RBFOX1: variants seen among roughly 807,000 people sequenced by gnomAD.
RBFOX1 encodes the protein RNA binding fox-1 homolog 1, also known as RNA binding protein fox-1 homolog 1.
RBFOX1 carries 8 observed loss-of-function variants against 57.7 expected under a neutral mutation model. That is an observed-to-expected ratio of 0.14 (90% CI 0.08 to 0.25). RBFOX1 has a LOEUF of 0.25. RBFOX1 is among the 10% of genes least tolerant of loss of function. The probability of loss-of-function intolerance (pLI) is 1.00; values close to 1 mark genes in which losing one functional copy is unlikely to be tolerated. For missense variants in RBFOX1, 611 were observed against 548.5 expected (o/e 1.11, Z -1.14); for synonymous variants, 326 against 222.4 (o/e 1.47, Z -4.15).
At chr16:7,425,423 C>CA (rs1388274271) in intron 4 of RBFOX1, among the ~76,000 whole-genome samples, 2 of 152,202 alleles carry the variant, frequency 1.3e-5, no homozygotes, top group African/African-American at 4.8e-5. Flanking sequence ...AAAACTTCCT[C>CA]AAAACCTGTT....
chr16:7,180,564 C>A (rs1416314904), intron 4 of RBFOX1, among the ~76,000 whole-genome samples: 1 of 152,042 alleles, frequency 6.6e-6, no homozygotes, highest in African/African-American at 2.4e-5. Context: ...AATGAGGTGA[C>A]ATTAAGGATA....
intron 3 of RBFOX1, among the ~76,000 whole-genome samples, chr16:6,805,894 C>G (rs568235154): frequency 1.3e-5 from 2 of 152,340 alleles, no homozygotes; most frequent in South Asian, 2.1e-4. Flanking sequence ...CTAGCCTTTA[C>G]TTTCCCTGTT....
At position 7,468,238 on chromosome 16, in the gene RBFOX1, C is replaced by T. The variant is rs76196976; in HGVS notation, c.28-49909C>T. 9.9e-3 allele frequency among the ~76,000 whole-genome samples: 1,504 copies of T among 152,212 alleles called. 33 individuals are homozygous for T. The highest frequency in any genetic ancestry group is 0.035 in the African/African-American group (1,445 of 41,528). On this transcript the variant is annotated intron_variant, in intron 4 of 15. Transcript: ENST00000550418. The stretch of plus-strand genomic sequence containing the variant: ...AATGAGCAAGCTCCTTTCTGCATAC[C>T]CGCCCGACCTTTACCATTGGGAACA...
At chr16:7,701,082 G>C (rs371335335) in intron 14 of RBFOX1, among the ~76,000 whole-genome samples, 2 of 152,118 alleles carry the variant, frequency 1.3e-5, no homozygotes, top group African/African-American at 4.8e-5. Flanking sequence ...GGGAAATCAC[G>C]AGGTTGAAAA....
chr16:6,287,329 C>T (rs1260671213), intron 1 of RBFOX1, among the ~76,000 whole-genome samples: 4 of 152,100 alleles, frequency 2.6e-5, no homozygotes, highest in Admixed American at 2.6e-4. Flanking sequence ...TCTATTTGTT[C>T]GGACTTGAAG....
intron 4 of RBFOX1, among the ~76,000 whole-genome samples, chr16:7,201,748 C>A (rs2088559514): frequency 6.6e-6 from 1 of 152,160 alleles, no homozygotes; most frequent in Non-Finnish European, 1.5e-5. Context: ...CAGGCAAGAG[C>A]CACCATGCCC....
At chr16:7,137,499 G>C (rs888735168) in intron 4 of RBFOX1, among the ~76,000 whole-genome samples, 4 of 152,184 alleles carry the variant, frequency 2.6e-5, no homozygotes, top group Non-Finnish European at 5.9e-5. Context: ...CCAATGTAAG[G>C]AGTACCTTTC....
At chr16:6,373,889 T>C (rs9935019) in intron 2 of RBFOX1, among the ~76,000 whole-genome samples, 2,316 of 152,320 alleles carry the variant, frequency 0.015, 65 homozygotes, top group African/African-American at 0.053. Flanking sequence ...TTTTGGTTCC[T>C]TTTTGTCTTT....
intron 2 of RBFOX1, among the ~76,000 whole-genome samples, chr16:6,318,419 T>G (rs2081365113): frequency 6.6e-6 from 1 of 152,170 alleles, no homozygotes; most frequent in South Asian, 2.1e-4. Context: ...TAAAGTTAAA[T>G]TTGCTTGTTA....
intron 3 of RBFOX1, among the ~76,000 whole-genome samples, chr16:6,693,476 TCCTCCA>T: frequency 6.6e-6 from 1 of 150,950 alleles, no homozygotes; most frequent in South Asian, 2.1e-4. Context: ...ACCATCATCC[TCCTCCA>T]CTACCATCAC....
chr16:5,680,485 C>T (rs1426037582), intron 3 of RBFOX1, among the ~76,000 whole-genome samples: 1 of 152,122 alleles, frequency 6.6e-6, no homozygotes, highest in African/African-American at 2.4e-5. Context: ...ACTGAGACTC[C>T]CAGTGAGTCA....
chr16:7,072,110 A>G (rs965525965), intron 4 of RBFOX1, among the ~76,000 whole-genome samples: 2 of 152,178 alleles, frequency 1.3e-5, no homozygotes, highest in African/African-American at 4.8e-5. Flanking sequence ...TACGGTAAAC[A>G]TGTATCTTGA....
At chr16:5,858,705 A>G (rs1252365575) in intron 3 of RBFOX1, among the ~76,000 whole-genome samples, 1 of 152,232 alleles carries the variant, frequency 6.6e-6, no homozygotes, top group Non-Finnish European at 1.5e-5. Context: ...ATTTTAAGAG[A>G]CATTTATTCA....
chr16:5,531,422 A>G (rs1193015931), intron 2 of RBFOX1, among the ~76,000 whole-genome samples: 1 of 152,218 alleles, frequency 6.6e-6, no homozygotes, highest in Admixed American at 6.5e-5. Context: ...AGAACTCACA[A>G]AGGCTTAGAA....
intron 3 of RBFOX1, among the ~76,000 whole-genome samples, chr16:6,964,035 T>G (rs1394359662): frequency 6.6e-6 from 1 of 151,668 alleles, no homozygotes; most frequent in Non-Finnish European, 1.5e-5. Flanking sequence ...TTTTCTTTTT[T>G]CAACATGAAG....
At chr16:6,801,925 G>A (rs1603626571) in intron 3 of RBFOX1, among the ~76,000 whole-genome samples, 1 of 152,014 alleles carries the variant, frequency 6.6e-6, no homozygotes, top group African/African-American at 2.4e-5. Flanking sequence ...ACCTTCATCT[G>A]GACCTTCAGT....
chr16:5,767,065 G>C (rs77768097), intron 3 of RBFOX1, among the ~76,000 whole-genome samples: 1,913 of 152,316 alleles, frequency 0.013, 37 homozygotes, highest in African/African-American at 0.043. Flanking sequence ...AGTTGTATAA[G>C]GTTAGTCCCA....
chr16:7,686,722 G>A (rs1244256286), intron 14 of RBFOX1, among the ~76,000 whole-genome samples: 2 of 152,092 alleles, frequency 1.3e-5, no homozygotes, highest in Non-Finnish European at 2.9e-5. Context: ...CAGGTGAAAT[G>A]AATTTTCTAT....
intron 4 of RBFOX1, among the ~76,000 whole-genome samples, chr16:7,197,964 C>G (rs147383363): frequency 7.3e-4 from 109 of 148,640 alleles, no homozygotes; most frequent in Middle Eastern, 7.3e-3. Flanking sequence ...TTCCCCCGTT[C>G]CACTCAGCTC....
Sources: allele counts gnomAD v4.1 joint callset (sites outside exome capture counted in the v4.1 genomes callset), GRCh38; gene constraint gnomAD v4.1.1; transcripts MANE v1.5; gene names NCBI Gene and HGNC (gene_info 2026-07-23, HGNC 2026-07-21).